The following DPYSL2 variants were observed in gnomAD, a reference collection of about 807,000 sequenced individuals.
DPYSL2 encodes dihydropyrimidinase like 2.
Under a neutral mutation model 69.9 loss-of-function variants are expected in DPYSL2, and 13 were observed. The ratio of observed to expected loss-of-function variants is 0.19; its 90% CI spans 0.12 to 0.30. The LOEUF (loss-of-function observed/expected upper bound fraction) is 0.30, where lower values mean the gene tolerates loss of function less well. Among genes scored for constraint, DPYSL2 ranks in the 10% least tolerant of loss-of-function variants. The pLI, the probability that DPYSL2 is intolerant of heterozygous loss-of-function variation, is 1.00. For synonymous variants in DPYSL2, 326 were observed against 359.1 expected (o/e 0.91, Z 1.04); for missense variants, 587 against 918.9 (o/e 0.64, Z 4.67).
At chr8:26,584,609 TG>T (rs952535986) in intron 3 of DPYSL2, among the ~76,000 whole-genome samples, 4 of 149,672 alleles carry the variant, frequency 2.7e-5, no homozygotes, top group African/African-American at 9.9e-5. Context: ...CCAAGGGCTT[TG>T]TGCTTTTTTT....
At chr8:26,608,807 G>A (rs891072049) in intron 3 of DPYSL2, among the ~76,000 whole-genome samples, 8 of 152,228 alleles carry the variant, frequency 5.3e-5, no homozygotes, top group Non-Finnish European at 1.2e-4. Context: ...ATTCAGTCCA[G>A]GTTCCTAGGA....
In DPYSL2 at chr8:26,634,836, G is replaced by T. The variant is rs141745272; in HGVS notation, c.1062G>T (p.Pro354=). ...CCATCGCCAACCAGACCAACTGCCCGCTGTATATCACCAAGGTGATGAGCA... is the reference window on the plus strand; with the variant it reads ...CCATCGCCAACCAGACCAACTGCCCTCTGTATATCACCAAGGTGATGAGCA... ...AITIANQTNC[P]LYITKVMSKS... Residue 354 remains proline, a synonymous_variant, in exon 8 of 14, where the codon CCG becomes CCT. Transcript: ENST00000521913. The T allele has an allele frequency of 1.2e-6, 2 of 1,614,132 alleles. No individual in the cohort carries two copies. Among genetic ancestry groups the T allele is most frequent in the African/African-American group, 1.3e-5 (1 of 74,954 alleles).
At chr8:26,581,297 A>G (rs1801487085) in intron 1 of DPYSL2, among the ~76,000 whole-genome samples, 2 of 151,314 alleles carry the variant, frequency 1.3e-5, no homozygotes, top group Non-Finnish European at 2.9e-5. Context: ...GCTTTCCTAT[A>G]TGTAGGTGGT....
chr8:26,525,232 G>GT (rs556547657), intron 1 of DPYSL2, among the ~76,000 whole-genome samples: 27 of 152,088 alleles, frequency 1.8e-4, no homozygotes, highest in Non-Finnish European at 3.5e-4. Context: ...TTGTTGGGTT[G>GT]TTTTTGAGAC....
chr8:26,521,269 C>A (rs1196033952), intron 1 of DPYSL2, among the ~76,000 whole-genome samples: 1 of 152,162 alleles, frequency 6.6e-6, no homozygotes, highest in Non-Finnish European at 1.5e-5. Flanking sequence ...ATGCAGATAA[C>A]CTGCATGGGC....
chr8:26,647,861 G>A lies in DPYSL2; in HGVS notation c.1596+61G>A, dbSNP rs1004618977. On this transcript the variant is annotated intron_variant, in intron 11 of 13. Transcript: ENST00000521913. The surrounding 1 kb of genome is among the most constrained non-coding windows in gnomAD (Gnocchi z 5.1). ...GAATTACAGTCACAGAGACACAGAC[G>A]GAGGGAGAGCCCCAGGGTTTCTAAA... The A allele has an allele frequency of 8.5e-6, 13 of 1,525,808 alleles. No homozygotes were observed. Among genetic ancestry groups the A allele is most frequent in the Middle Eastern group, 1.8e-4 (1 of 5,696 alleles). 94.5% of individuals were successfully genotyped at this position (1,525,808 alleles called of 1,614,324 possible).
chr8:26,567,677 T>C (rs988758012), intron 1 of DPYSL2, among the ~76,000 whole-genome samples: 2 of 152,036 alleles, frequency 1.3e-5, no homozygotes, highest in Admixed American at 6.5e-5. Flanking sequence ...AGAGGAGTGA[T>C]GGTGTGAGGG....
intron 3 of DPYSL2, among the ~76,000 whole-genome samples, chr8:26,607,950 A>T (rs927723887): frequency 1.3e-5 from 2 of 151,380 alleles, no homozygotes; most frequent in African/African-American, 4.9e-5. Context: ...AGTGGCACGC[A>T]CCTGTAGTCC....
intron 1 of DPYSL2, among the ~76,000 whole-genome samples, chr8:26,551,567 C>T (rs1027991956): frequency 6.6e-6 from 1 of 152,142 alleles, no homozygotes; most frequent in Non-Finnish European, 1.5e-5. Context: ...AGAACTAACA[C>T]CATCAACTAA....
intron 1 of DPYSL2, chr8:26,577,925 C>T: frequency 8.6e-7 from 1 of 1,164,708 alleles, no homozygotes; most frequent in South Asian, 2.0e-5. Context: ...CCACGGTGGC[C>T]GACTTGAACC....
chr8:26,529,848 C>T (rs960157538), intron 1 of DPYSL2, among the ~76,000 whole-genome samples: 2 of 150,700 alleles, frequency 1.3e-5, no homozygotes, highest in African/African-American at 4.9e-5. Context: ...CGGTGGCTCA[C>T]ACCTGTAATC....
chr8:26,635,161 C>T (rs1047710600), intron 8 of DPYSL2, among the ~76,000 whole-genome samples: 3 of 152,254 alleles, frequency 2.0e-5, no homozygotes, highest in Admixed American at 1.3e-4. Context: ...CCCCAGCCCC[C>T]GTGCAAGAGC....
Position 26,640,715 on chromosome 8 carries a change from C to T in DPYSL2, c.1127-2724C>T, listed in dbSNP as rs1803021991. ...AAGAAAATCCAAAAGACAGCAAGGA[C>T]CTCTGAATCCCTGAGGGAAGTTGAA... On this transcript the variant is annotated intron_variant, in intron 8 of 13. Coordinates refer to ENST00000521913, the MANE Select transcript of DPYSL2 (RefSeq NM_001197293.3). The surrounding 1 kb of genome is among the most constrained non-coding windows in gnomAD (Gnocchi z 4.2). 6.6e-6 allele frequency among the ~76,000 whole-genome samples: 1 copy of T among 152,148 alleles called. No individual in the cohort carries two copies. Among genetic ancestry groups the T allele is most frequent in the African/African-American group, 2.4e-5 (1 of 41,428 alleles).
rs1054112661 is a variant in DPYSL2 at position 26,580,021 on chromosome 8, C to A, written c.355-1948C>A. On this transcript the variant is annotated intron_variant, in intron 1 of 13. Coordinates refer to ENST00000521913, the MANE Select transcript of DPYSL2 (RefSeq NM_001197293.3). This position sits in a 1 kb window ranked among gnomAD's most constrained non-coding sequence, Gnocchi z 4.1. ...ATAGGACCTATAGCATGGTATTCCT[C>A]CCTCCCTCACCACTGGCAGCCTCTT... Among the ~76,000 whole-genome samples, 2 of 150,606 alleles carry A rather than the reference C, an allele frequency of 1.3e-5. No homozygotes were observed. Among genetic ancestry groups the A allele is most frequent in the Non-Finnish European group, 1.5e-5 (1 of 67,788 alleles).
In DPYSL2 at chr8:26,583,977, A is replaced by G. The variant is rs754758411; in HGVS notation, c.622A>G (p.Met208Val). The change falls in exon 3 of 14, where the codon ATG (methionine) becomes GTG (valine). Residue 208 changes from methionine (M) to valine (V), a missense_variant. Coordinates refer to ENST00000521913, the MANE Select transcript of DPYSL2 (RefSeq NM_001197293.3). Reference protein sequence around the residue: ...TKAALAGGTTMIIDHVVPEPG... With the variant: ...TKAALAGGTTVIIDHVVPEPG... ...GGCGGCCCTGGCTGGGGGAACCACT[A>G]TGATCAGTAAGAAGCTTAAAAATCA... The G allele has an allele frequency of 3.4e-5, 55 of 1,613,556 alleles. No homozygotes were observed. Among genetic ancestry groups the G allele is most frequent in the African/African-American group, 4.0e-5 (3 of 74,886 alleles).
rs1174968398 is a variant in DPYSL2, at chr8:26,605,789, G to T, written c.629-18354G>T. 6.6e-6 allele frequency among the ~76,000 whole-genome samples: 1 copy of T among 151,988 alleles called. No homozygotes were observed. Among genetic ancestry groups the T allele is most frequent in the Non-Finnish European group, 1.5e-5 (1 of 68,008 alleles). On this transcript the variant is annotated intron_variant, in intron 3 of 13. Transcript: ENST00000521913. The surrounding 1 kb of genome is among the most constrained non-coding windows in gnomAD (Gnocchi z 4.1). ...TTATAAGAATACATTCTTATATATG[G>T]AATCCAAGAAGAGTCTTAAATAAAT...
rs139597475 is a variant in DPYSL2, at chr8:26,547,354, C to A, written c.354+32675C>A. On this transcript the variant is annotated intron_variant, in intron 1 of 13. Coordinates refer to ENST00000521913, the MANE Select transcript of DPYSL2 (RefSeq NM_001197293.3). The stretch of plus-strand genomic sequence containing the variant: ...CTCCAGCCTGGTTGACAGAGAGAGA[C>A]CCTGATTGAAAAAAAAAAAATTGCT... 1.6e-3 allele frequency among the ~76,000 whole-genome samples: 206 copies of A among 130,532 alleles called. 2 individuals are homozygous for A. The highest frequency in any genetic ancestry group is 6.1e-3 in the African/African-American group (188 of 30,670). 85.6% of individuals were successfully genotyped at this position (130,532 alleles called of 152,430 possible). A position where few individuals can be genotyped will look rare whatever the true frequency, so the allele number is the denominator to read the frequency against.
chr8:26,648,751 A>G lies in DPYSL2; in HGVS notation c.1596+951A>G, dbSNP rs553682902. The stretch of plus-strand genomic sequence containing the variant: ...AGGTTTCTGGCATTTCTCCGGGACA[A>G]CCCTGGGACTTTGCCCTGTCCCAGT... On this transcript the variant is annotated intron_variant, in intron 11 of 13. Coordinates refer to ENST00000521913, the MANE Select transcript of DPYSL2 (RefSeq NM_001197293.3). The surrounding 1 kb of genome is among the most constrained non-coding windows in gnomAD (Gnocchi z 4.3). Among the ~76,000 whole-genome samples, 1 of 152,316 alleles carries G rather than the reference A, an allele frequency of 6.6e-6. No individual in the cohort carries two copies. Among genetic ancestry groups the G allele is most frequent in the African/African-American group, 2.4e-5 (1 of 41,580 alleles).
rs1803037928 is a variant in DPYSL2 at position 26,641,258 on chromosome 8, G to A, written c.1127-2181G>A. The stretch of plus-strand genomic sequence containing the variant: ...ATCCAGCCATTCTTTATCTCCAAGT[G>A]CCTCTGCTCTCATGAACTTCTTCAT... On this transcript the variant is annotated intron_variant, in intron 8 of 13. Transcript: ENST00000521913. This position sits in a 1 kb window ranked among gnomAD's most constrained non-coding sequence, Gnocchi z 4.1. 6.6e-6 allele frequency among the ~76,000 whole-genome samples: 1 copy of A among 152,216 alleles called. No homozygotes were observed. Among genetic ancestry groups the A allele is most frequent in the Admixed American group, 6.5e-5 (1 of 15,278 alleles).
Sources: allele counts gnomAD v4.1 joint callset (sites outside exome capture counted in the v4.1 genomes callset), GRCh38; gene constraint gnomAD v4.1.1; non-coding constraint Gnocchi (gnomAD v3.1); transcripts MANE v1.5; gene names NCBI Gene and HGNC (gene_info 2026-07-23, HGNC 2026-07-21).